The following BLTP3A variants were observed in gnomAD, a reference collection of about 807,000 sequenced individuals.
BLTP3A encodes bridge-like lipid transfer protein family member 3A.
the BLTP3A span, among the ~76,000 whole-genome samples, chr6:34,798,718 T>TTCAA: frequency 6.6e-6 from 1 of 151,722 alleles, no homozygotes; most frequent in Non-Finnish European, 1.5e-5. Flanking sequence ...ATCAGAACCT[T>TTCAA]GAAAGCATAA....
chr6:34,793,084 C>T, the BLTP3A span, among the ~76,000 whole-genome samples: 16 of 152,312 alleles, frequency 1.1e-4, no homozygotes, highest in East Asian at 2.5e-3. Flanking sequence ...GTGAAAAGAA[C>T]CAACAACGTC....
chr6:34,856,495 G>A, the BLTP3A span: 1 of 1,497,046 alleles, frequency 6.7e-7, no homozygotes, highest in Non-Finnish European at 9.0e-7. Flanking sequence ...GCAAGAACTA[G>A]CTAATTATCC....
the BLTP3A span, chr6:34,792,126 T>TGGCGGTGGCGGCGGCGGCGGC: frequency 7.0e-6 from 5 of 710,010 alleles, no homozygotes; most frequent in African/African-American, 6.0e-5. Flanking sequence ...GAAAGCGCCA[T>TGGCGGTGGCGGCGGCGGCGGC]GGCGGCGGCG....
At chr6:34,829,652 T>G in the BLTP3A span, among the ~76,000 whole-genome samples, 2 of 152,004 alleles carry the variant, frequency 1.3e-5, no homozygotes, top group African/African-American at 4.8e-5. Flanking sequence ...TTTTTTTTTC[T>G]GAGACAGAGT....
the BLTP3A span, among the ~76,000 whole-genome samples, chr6:34,852,670 C>T: frequency 6.6e-6 from 1 of 151,860 alleles, no homozygotes; most frequent in African/African-American, 2.4e-5. Context: ...TTTGGCTATC[C>T]CAGTTGGCAT....
the BLTP3A span, chr6:34,863,988 T>C: frequency 5.7e-6 from 9 of 1,574,046 alleles, no homozygotes; most frequent in Middle Eastern, 3.6e-4. Flanking sequence ...GTTTTTGTTT[T>C]TTTTTTTAAA....
the BLTP3A span, chr6:34,859,062 C>G: frequency 1.9e-6 from 3 of 1,614,096 alleles, no homozygotes; most frequent in Admixed American, 3.3e-5. Context: ...ATAGCACTAG[C>G]CTCGTAGATT....
At chr6:34,854,671 G>A in the BLTP3A span, among the ~76,000 whole-genome samples, 22 of 152,290 alleles carry the variant, frequency 1.4e-4, no homozygotes, top group East Asian at 4.2e-3. Flanking sequence ...TTGTGTAGGG[G>A]TCTCTCTTGG....
At chr6:34,849,933 G>A in the BLTP3A span, among the ~76,000 whole-genome samples, 1 of 152,094 alleles carries the variant, frequency 6.6e-6, no homozygotes, top group African/African-American at 2.4e-5. Flanking sequence ...CTGAGTTTGG[G>A]AATTTGAGAC....
the BLTP3A span, among the ~76,000 whole-genome samples, chr6:34,808,806 C>T: frequency 6.6e-6 from 1 of 152,068 alleles, no homozygotes; most frequent in Non-Finnish European, 1.5e-5. Flanking sequence ...TCTCAAACTC[C>T]TGGACTCAAG....
chr6:34,795,356 G>T, the BLTP3A span, among the ~76,000 whole-genome samples: 1 of 151,944 alleles, frequency 6.6e-6, no homozygotes, highest in Non-Finnish European at 1.5e-5. Context: ...GGGATTACAG[G>T]GGTGAGCCAC....
At chr6:34,795,331 G>C in the BLTP3A span, among the ~76,000 whole-genome samples, 2 of 152,036 alleles carry the variant, frequency 1.3e-5, no homozygotes, top group Non-Finnish European at 2.9e-5. Context: ...TCCTGCCTCA[G>C]CCTCCCAAAG....
the BLTP3A span, chr6:34,834,161 G>C: frequency 6.5e-7 from 1 of 1,534,030 alleles, no homozygotes; most frequent in Non-Finnish European, 9.0e-7. Flanking sequence ...CTAATATGAA[G>C]ACTGTGCAGA....
the BLTP3A span, chr6:34,856,795 C>T: frequency 5.6e-6 from 9 of 1,612,070 alleles, no homozygotes; most frequent in Non-Finnish European, 7.6e-6. Flanking sequence ...TTTAGATTCT[C>T]TTTCCAGTCC....
At chr6:34,803,141 G>A in the BLTP3A span, among the ~76,000 whole-genome samples, 38 of 151,780 alleles carry the variant, frequency 2.5e-4, no homozygotes, top group Admixed American at 9.9e-4. Flanking sequence ...CTGTGATCGC[G>A]CCACTGCACT....
chr6:34,871,180 A>G, the BLTP3A span: 1 of 1,539,984 alleles, frequency 6.5e-7, no homozygotes, highest in Non-Finnish European at 8.7e-7. Flanking sequence ...GGACTTTGTC[A>G]AGCAAGGAAG....
the BLTP3A span, chr6:34,821,609 A>G: frequency 6.5e-7 from 1 of 1,541,596 alleles, no homozygotes; most frequent in Non-Finnish European, 8.8e-7. Context: ...CCCAATTAGC[A>G]GATTCCCATG....
At chr6:34,845,320 T>G in the BLTP3A span, among the ~76,000 whole-genome samples, 3 of 152,198 alleles carry the variant, frequency 2.0e-5, no homozygotes, top group Admixed American at 2.0e-4. Context: ...CTCAGCTGGC[T>G]TGGCTATTCT....
At chr6:34,818,605 A>G in the BLTP3A span, among the ~76,000 whole-genome samples, 1 of 152,222 alleles carries the variant, frequency 6.6e-6, no homozygotes, top group East Asian at 1.9e-4. Context: ...GGAGTAGCGT[A>G]ATGAAAAGCC....
Sources: allele counts gnomAD v4.1 joint callset (sites outside exome capture counted in the v4.1 genomes callset), GRCh38; gene constraint gnomAD v4.1.1; transcripts MANE v1.5; gene names NCBI Gene and HGNC (gene_info 2026-07-23, HGNC 2026-07-21).